NBEA: variants seen among roughly 807,000 people sequenced by gnomAD.
NBEA encodes the protein lysosomal-trafficking regulator 2.
In NBEA, 44 loss-of-function variants were observed where a neutral mutation model predicts 343.4. The ratio of observed to expected loss-of-function variants is 0.13; its 90% confidence interval spans 0.10 to 0.16. The LOEUF (loss-of-function observed/expected upper bound fraction) is 0.16, where lower values mean the gene tolerates loss of function less well. Ranked by LOEUF, NBEA falls within the 10% of genes least tolerant of loss-of-function variation. The pLI, the probability that NBEA is intolerant of heterozygous loss-of-function variation, is 1.00. For synonymous variants in NBEA, 1,175 were observed against 1,238.7 expected, an observed-to-expected ratio of 0.95 and a Z score of 1.08; for missense variants, 2,555 against 3,631.3, an observed-to-expected ratio of 0.70 and a Z score of 7.62.
At chr13:35,503,002 T>C (rs1355541816) in intron 41 of NBEA, among the ~76,000 whole-genome samples, 1 of 152,146 alleles carries the variant, frequency 6.6e-6, no homozygotes, top group African/African-American at 2.4e-5. Flanking sequence ...AAGTGATGAT[T>C]ACTTTTTTAA....
intron 50 of NBEA, 30 bp from the exon 51 acceptor site, chr13:35,646,229 A>T (rs776441366): frequency 6.6e-7 from 1 of 1,522,886 alleles, no homozygotes. Context: ...ATGCATATTG[A>T]TTATGACAAT....
At chr13:34,987,020 A>G (rs1177137714) in intron 1 of NBEA, among the ~76,000 whole-genome samples, 4 of 150,912 alleles carry the variant, frequency 2.7e-5, no homozygotes, top group African/African-American at 9.7e-5. Flanking sequence ...ATTTAAGGTT[A>G]ATATTTTTAT....
At chr13:35,458,883 G>T (rs185456968) in intron 40 of NBEA, among the ~76,000 whole-genome samples, 103 of 152,042 alleles carry the variant, frequency 6.8e-4, no homozygotes, top group African/African-American at 2.3e-3. Flanking sequence ...ATGCTACTTT[G>T]ATATTTTTTA....
chr13:35,504,387 C>T (rs978528172), intron 41 of NBEA, among the ~76,000 whole-genome samples: 1 of 152,050 alleles, frequency 6.6e-6, no homozygotes, highest in Non-Finnish European at 1.5e-5. Context: ...TCTTCCTTTC[C>T]CTGAAACCTT....
intron 35 of NBEA, among the ~76,000 whole-genome samples, chr13:35,308,568 A>ATATATGTG (rs1555361184): frequency 1.1e-5 from 1 of 87,428 alleles, no homozygotes; most frequent in Admixed American, 1.4e-4. Context: ...GTATATATGT[A>ATATATGTG]TATATATGTA....
At chr13:35,203,480 A>G (rs1018880601) in intron 31 of NBEA, among the ~76,000 whole-genome samples, 1 of 152,088 alleles carries the variant, frequency 6.6e-6, no homozygotes, top group Non-Finnish European at 1.5e-5. Flanking sequence ...AGCACTTAAC[A>G]TCTGATATAC....
chr13:35,640,609 T>C (rs541540406), intron 49 of NBEA, among the ~76,000 whole-genome samples: 58 of 152,292 alleles, frequency 3.8e-4, no homozygotes, highest in Non-Finnish European at 7.4e-4. Flanking sequence ...AGGTGGGTCC[T>C]GCAGAATTGT....
At chr13:35,168,864 CAA>C (rs1180716726) in intron 24 of NBEA, 121 bp from the exon 25 acceptor site, 1 of 618,390 alleles carries the variant, frequency 1.6e-6, no homozygotes, top group Admixed American at 4.1e-5. Flanking sequence ...ATAAAATAAT[CAA>C]ATATAATTTT....
intron 41 of NBEA, among the ~76,000 whole-genome samples, chr13:35,517,731 T>G (rs902471360): frequency 6.6e-6 from 1 of 152,218 alleles, no homozygotes; most frequent in South Asian, 2.1e-4. Context: ...AATCAATTTG[T>G]ACCTTCTACT....
chr13:35,359,966 C>T (rs1332414144), intron 38 of NBEA, among the ~76,000 whole-genome samples: 2 of 151,808 alleles, frequency 1.3e-5, no homozygotes, highest in Non-Finnish European at 2.9e-5. Context: ...TATGTTGATA[C>T]TTCCATTGGA....
rs2063351559 is a variant in NBEA at position 35,058,599 on chromosome 13, T to C, written c.1093-118T>C. The C allele has an allele frequency of 3.1e-5, 25 of 816,922 alleles. No individual in the cohort carries two copies. The South Asian group carries it at 4.6e-4, about 15-fold the overall frequency. The allele number at this position is 816,922 out of a possible 1,614,324, so 50.6% of individuals were successfully genotyped here. On this transcript the variant is annotated intron_variant, in intron 7 of 58. Transcript: ENST00000379939. ...AAAATAATAAAGTCTTAATTGATGC[T>C]TTCTTCTATTATTATTGTTATATTT...
At chr13:35,068,559 C>T (rs1316895113) in intron 8 of NBEA, among the ~76,000 whole-genome samples, 1 of 151,480 alleles carries the variant, frequency 6.6e-6, no homozygotes, top group Non-Finnish European at 1.5e-5. Flanking sequence ...TAACACTACC[C>T]TCCTCATTCA....
intron 34 of NBEA, among the ~76,000 whole-genome samples, chr13:35,270,029 AT>A (rs1490296306): frequency 6.6e-6 from 1 of 152,140 alleles, no homozygotes; most frequent in East Asian, 1.9e-4. Flanking sequence ...TTATTACTTG[AT>A]TTTGTGTCCA....
At chr13:35,553,327 C>G (rs976943263) in intron 43 of NBEA, among the ~76,000 whole-genome samples, 1 of 152,096 alleles carries the variant, frequency 6.6e-6, no homozygotes, top group Non-Finnish European at 1.5e-5. Flanking sequence ...AAAAGCTCAA[C>G]TAATTATTAG....
intron 35 of NBEA, among the ~76,000 whole-genome samples, chr13:35,296,082 A>T (rs926637903): frequency 6.6e-6 from 1 of 152,118 alleles, no homozygotes; most frequent in African/African-American, 2.4e-5. Context: ...AAAAGTTCTG[A>T]CCTCATCTGT....
intron 31 of NBEA, among the ~76,000 whole-genome samples, chr13:35,204,814 C>T (rs1271778418): frequency 6.6e-6 from 1 of 152,076 alleles, no homozygotes; most frequent in Non-Finnish European, 1.5e-5. Context: ...GTTTTTACCA[C>T]CAAAATTTGT....
At chr13:35,517,453 C>T (rs2077528146) in intron 41 of NBEA, among the ~76,000 whole-genome samples, 1 of 152,140 alleles carries the variant, frequency 6.6e-6, no homozygotes, top group Non-Finnish European at 1.5e-5. Context: ...CATAATTTTC[C>T]TTTTTTCTAA....
intron 39 of NBEA, among the ~76,000 whole-genome samples, chr13:35,444,421 G>T (rs1433768704): frequency 6.6e-6 from 1 of 151,902 alleles, no homozygotes; most frequent in South Asian, 2.1e-4. Flanking sequence ...TGTAATTAAT[G>T]CACTTTAAAA....
chr13:35,361,471 A>G (rs1259413887), intron 38 of NBEA, among the ~76,000 whole-genome samples: 1 of 152,120 alleles, frequency 6.6e-6, no homozygotes, highest in African/African-American at 2.4e-5. Context: ...ATAGTGCAGG[A>G]ACAATTGAAC....
Sources: allele counts gnomAD v4.1 joint callset (sites outside exome capture counted in the v4.1 genomes callset), GRCh38; gene constraint gnomAD v4.1.1; transcripts MANE v1.5; gene names NCBI Gene and HGNC (gene_info 2026-07-23, HGNC 2026-07-21).